The following PTPRM variants were observed in gnomAD, a reference collection of about 807,000 sequenced individuals.
PTPRM encodes protein tyrosine phosphatase receptor type M, also known as receptor-type tyrosine-protein phosphatase mu.
A neutral mutation model predicts 186.7 loss-of-function variants in PTPRM; 47 were observed. The ratio of observed to expected loss-of-function variants is 0.25; its 90% confidence interval spans 0.20 to 0.32. The LOEUF is 0.32. PTPRM is among the 10% of genes least tolerant of loss of function. PTPRM has a pLI of 1.00. For missense variants in PTPRM, 1,494 were observed against 1,865.0 expected (o/e 0.80, Z 3.66); for synonymous variants, 668 against 674.9 (o/e 0.99, Z 0.16).
intron 1 of PTPRM, among the ~76,000 whole-genome samples, chr18:7,714,088 G>T (rs1404603514): frequency 6.6e-6 from 1 of 152,106 alleles, no homozygotes; most frequent in African/African-American, 2.4e-5. Context: ...GCACCACGTT[G>T]CACTTACTCT....
intron 23 of PTPRM, among the ~76,000 whole-genome samples, chr18:8,359,049 TTTGTATTAAATAC>T (rs1217484941): frequency 6.6e-6 from 1 of 152,206 alleles, no homozygotes. Flanking sequence ...AATTAATCCT[TTTGTATTAAATAC>T]TTGGTAATTC....
chr18:8,212,567 G>A (rs1245441260), intron 14 of PTPRM, among the ~76,000 whole-genome samples: 3 of 152,130 alleles, frequency 2.0e-5, no homozygotes, highest in African/African-American at 7.2e-5. Context: ...CTTTGTGGGG[G>A]GCCAAGGCAG....
At chr18:8,182,178 T>C (rs2093585250) in intron 14 of PTPRM, among the ~76,000 whole-genome samples, 2 of 152,210 alleles carry the variant, frequency 1.3e-5, no homozygotes, top group African/African-American at 4.8e-5. Flanking sequence ...CTTTTTTATA[T>C]GATTATGGTC....
At chr18:8,401,625 T>G (rs566071127) in intron 32 of PTPRM, among the ~76,000 whole-genome samples, 1 of 152,280 alleles carries the variant, frequency 6.6e-6, no homozygotes, top group Admixed American at 6.5e-5. Context: ...TGGAGGCCGT[T>G]GATGTGGTGT....
At position 7,921,325 on chromosome 18, in the gene PTPRM, A is replaced by C. The variant is rs559034561; in HGVS notation, c.548-5243A>C. Among the ~76,000 whole-genome samples the C allele has an allele frequency of 2.0e-5, 3 of 151,392 alleles. No individual in the cohort carries two copies. In the East Asian group the frequency reaches 5.8e-4, roughly 29 times the overall value. On this transcript the variant is annotated intron_variant, in intron 4 of 32. Coordinates refer to ENST00000580170, the MANE Select transcript of PTPRM (RefSeq NM_001105244.2). The stretch of plus-strand genomic sequence containing the variant: ...GTAAATTTTCAAATAGCTGTCTTCA[A>C]ATTCACTGATTGTTTCCTCTGCTTG...
chr18:7,801,134 A>C (rs1169684709), intron 2 of PTPRM, among the ~76,000 whole-genome samples: 2 of 152,158 alleles, frequency 1.3e-5, no homozygotes, highest in Non-Finnish European at 2.9e-5. Flanking sequence ...CTTCAATAAT[A>C]AATTAACCTT....
At chr18:7,695,466 C>T (rs1045371338) in intron 1 of PTPRM, among the ~76,000 whole-genome samples, 7 of 152,174 alleles carry the variant, frequency 4.6e-5, no homozygotes, top group Non-Finnish European at 1.0e-4. Flanking sequence ...TGGGTTCCAC[C>T]GTCTTGCAGT....
intron 1 of PTPRM, among the ~76,000 whole-genome samples, chr18:7,659,439 C>G (rs770625318): frequency 3.9e-5 from 6 of 152,188 alleles, no homozygotes; most frequent in Admixed American, 2.0e-4. Context: ...TAGGCACTTA[C>G]CTGCAGTCTA....
chr18:7,740,791 T>C (rs190553592), intron 1 of PTPRM, among the ~76,000 whole-genome samples: 193 of 152,278 alleles, frequency 1.3e-3, no homozygotes, highest in Non-Finnish European at 2.4e-3. Context: ...GGAATTCTCA[T>C]TGGTTTACAG....
At chr18:8,151,030 T>C (rs1251982111) in intron 14 of PTPRM, among the ~76,000 whole-genome samples, 1 of 152,118 alleles carries the variant, frequency 6.6e-6, no homozygotes, top group African/African-American at 2.4e-5. Flanking sequence ...AACCACGAGA[T>C]GCCGCTCAGA....
At position 7,590,961 on chromosome 18, in the gene PTPRM, T is replaced by G. The variant is rs557814783; in HGVS notation, c.73+23070T>G. 3.8e-4 allele frequency among the ~76,000 whole-genome samples: 58 copies of G among 152,348 alleles called. 1 individual carries two copies. Among genetic ancestry groups the G allele is most frequent in the Non-Finnish European group, 8.1e-4 (55 of 68,032 alleles). On this transcript the variant is annotated intron_variant, in intron 1 of 32. Coordinates refer to ENST00000580170, the MANE Select transcript of PTPRM (RefSeq NM_001105244.2). ...AGCTATTATGTGAATTTTGAATCCATGAGTGTTTAACTCAGTAAAGAAGGA... is the reference window on the plus strand; with the variant it reads ...AGCTATTATGTGAATTTTGAATCCAGGAGTGTTTAACTCAGTAAAGAAGGA...
At position 8,088,814 on chromosome 18, in the gene PTPRM, A is replaced by G. The variant is rs1279137774; in HGVS notation, c.1819A>G (p.Met607Val). 6 of 1,612,914 alleles carry G rather than the reference A, an allele frequency of 3.7e-6. No homozygotes were observed. The African/African-American group carries it at 6.7e-5, about 18-fold the overall frequency. Reference protein sequence around the residue: ...LNQTDNTVTVMLKPAHSRGAP... With the variant: ...LNQTDNTVTVVLKPAHSRGAP... ...TCAAACTGACAATACCGTGACAGTC[A>G]TGCTGAAACCTGCCCACAGCAGAGG... is the stretch of plus-strand genomic sequence containing the variant. The change falls in exon 11 of 33, where the codon ATG becomes GTG. Residue 607 changes from methionine (M) to valine (V), a missense_variant. By Grantham distance (21) the Met-to-Val change is conservative (BLOSUM62 1). Transcript: ENST00000580170.
At chr18:7,954,021 G>C (rs1230102541) in intron 6 of PTPRM, among the ~76,000 whole-genome samples, 2 of 152,176 alleles carry the variant, frequency 1.3e-5, no homozygotes, top group African/African-American at 4.8e-5. Context: ...CTGAGAGGGA[G>C]ATTTATGCCG....
Position 7,955,174 on chromosome 18 carries a change from C to G in PTPRM, c.892C>G (p.Leu298Val). The change falls in exon 7 of 33, where the codon CTG (leucine) becomes GTG (valine). Residue 298 changes from leucine (L) to valine (V), a missense_variant. Physicochemically the swap from Leu to Val is conservative, Grantham distance 32 (BLOSUM62 1). This residue lies in a region of PTPRM where 91 missense variants were observed against 169.3 expected (regional missense o/e 0.54). Coordinates refer to ENST00000580170, the MANE Select transcript of PTPRM (RefSeq NM_001105244.2). The stretch of plus-strand genomic sequence containing the variant: ...GCTCGCCTCTGTAGGAGCCACCTAC[C>G]TGTGGATACAGCTCAACGCCAACTC... ...PQLASVGATY[L>V]WIQLNANSIN... 1 of 1,614,078 alleles carries G rather than the reference C, an allele frequency of 6.2e-7. No individual in the cohort carries two copies. The highest frequency in any genetic ancestry group is 2.2e-5 in the East Asian group (1 of 44,866).
intron 17 of PTPRM, among the ~76,000 whole-genome samples, chr18:8,249,861 A>T (rs1365212020): frequency 6.6e-6 from 1 of 152,212 alleles, no homozygotes; most frequent in Non-Finnish European, 1.5e-5. Context: ...AGTCACCCAG[A>T]TAGACCAATA....
At chr18:8,032,024 T>C (rs532298883) in intron 7 of PTPRM, among the ~76,000 whole-genome samples, 1 of 152,246 alleles carries the variant, frequency 6.6e-6, no homozygotes, top group East Asian at 1.9e-4. Flanking sequence ...GGAAAAATAA[T>C]GTTGAAAAAA....
intron 32 of PTPRM, among the ~76,000 whole-genome samples, chr18:8,394,942 C>T (rs954016219): frequency 7.2e-5 from 11 of 152,030 alleles, no homozygotes; most frequent in Non-Finnish European, 1.0e-4. Flanking sequence ...AATCATAGTA[C>T]GTGAAATGCC....
intron 20 of PTPRM, among the ~76,000 whole-genome samples, chr18:8,304,435 A>G (rs1427316336): frequency 6.6e-6 from 1 of 152,142 alleles, no homozygotes; most frequent in African/African-American, 2.4e-5. Context: ...CAAGGTCTTT[A>G]TGTGCCTGTT....
chr18:7,884,924 CAAA>C lies in PTPRM; in HGVS notation c.197-3157_197-3155del, dbSNP rs56724615. Among the ~76,000 whole-genome samples the C allele has an allele frequency of 9.5e-4, 36 of 37,840 alleles. 1 individual carries two copies. The highest frequency in any genetic ancestry group is 2.9e-3 in the African/African-American group (33 of 11,504). The allele number at this position is 37,840 out of a possible 152,430, so 24.8% of individuals were successfully genotyped here. On this transcript the variant is annotated intron_variant, in intron 2 of 32. Transcript: ENST00000580170. The stretch of plus-strand genomic sequence containing the variant: ...GGGCGACGAGAGCAAAGCTCCATCT[CAAA>C]AAAAAAAAAAAAAAAAAAAAAAAAG...
Sources: gnomAD v4.1 joint callset for allele counts (sites outside exome capture counted in the v4.1 genomes callset) on GRCh38, gnomAD v4.1.1 for gene constraint, gnomAD v4.1.1 regional missense constraint, MANE v1.5 for transcripts, NCBI Gene and HGNC (gene_info 2026-07-23, HGNC 2026-07-21) for gene names.